The following PCDH15 variants were observed in gnomAD, a reference collection of about 807,000 sequenced individuals.
The protein encoded by PCDH15 is protocadherin-15.
In PCDH15, 129 loss-of-function variants were observed where a neutral mutation model predicts 178.5. That is an observed-to-expected ratio of 0.72 (90% CI 0.63 to 0.84). The LOEUF (loss-of-function observed/expected upper bound fraction) is 0.84, where lower values mean the gene tolerates loss of function less well. Ranked by LOEUF, PCDH15 falls within the 40% of genes least tolerant of loss-of-function variation. The pLI is 0.00. For synonymous variants in PCDH15, 800 were observed against 732.0 expected, an observed-to-expected ratio of 1.09 and a Z score of -1.50; for missense variants, 2,230 against 2,099.9, an observed-to-expected ratio of 1.06 and a Z score of -1.21.
At chr10:54,863,280 C>T (rs1452654764) in intron 3 of PCDH15, among the ~76,000 whole-genome samples, 2 of 152,140 alleles carry the variant, frequency 1.3e-5, no homozygotes, top group Admixed American at 6.5e-5. Flanking sequence ...CGGTGGCTCA[C>T]GCCTGTAATC....
intron 28 of PCDH15, among the ~76,000 whole-genome samples, chr10:53,843,701 G>A (rs1435224842): frequency 6.6e-6 from 1 of 151,874 alleles, no homozygotes; most frequent in Non-Finnish European, 1.5e-5. Flanking sequence ...GATAAAAAAA[G>A]TCTTCATATA....
chr10:55,016,921 A>T (rs1486515755), intron 2 of PCDH15, among the ~76,000 whole-genome samples: 1 of 151,794 alleles, frequency 6.6e-6, no homozygotes, highest in Non-Finnish European at 1.5e-5. Context: ...AATAAGATAC[A>T]CCCCTGGGCC....
At chr10:53,922,164 A>T (rs575077412) in intron 25 of PCDH15, among the ~76,000 whole-genome samples, 75 of 152,298 alleles carry the variant, frequency 4.9e-4, no homozygotes, top group African/African-American at 1.6e-3. Context: ...GTCACAACCT[A>T]CAATCCCTGG....
intron 13 of PCDH15, among the ~76,000 whole-genome samples, chr10:54,174,732 G>T (rs1163461117): frequency 9.7e-6 from 1 of 103,108 alleles, no homozygotes; most frequent in African/African-American, 3.7e-5. Context: ...TTGAGACAGA[G>T]TCTCGTTCCG....
At chr10:54,134,399 G>C (rs965387104) in intron 14 of PCDH15, among the ~76,000 whole-genome samples, 1 of 151,842 alleles carries the variant, frequency 6.6e-6, no homozygotes, top group Non-Finnish European at 1.5e-5. Flanking sequence ...TAAAAGACAT[G>C]GTCACCAAAA....
intron 2 of PCDH15, among the ~76,000 whole-genome samples, chr10:55,385,757 GTA>G (rs1415756197): frequency 7.3e-6 from 1 of 137,924 alleles, no homozygotes; most frequent in Non-Finnish European, 1.5e-5. Context: ...GCATATATAT[GTA>G]TAGATATATA....
intron 1 of PCDH15, among the ~76,000 whole-genome samples, chr10:55,197,734 A>G (rs1840132587): frequency 6.6e-6 from 1 of 152,110 alleles, no homozygotes; most frequent in African/African-American, 2.4e-5. Flanking sequence ...CCTGGTAAGT[A>G]CATTATCTTC....
At chr10:54,988,458 A>C (rs145674222) in intron 2 of PCDH15, among the ~76,000 whole-genome samples, 5 of 152,212 alleles carry the variant, frequency 3.3e-5, no homozygotes, top group African/African-American at 9.6e-5. Context: ...GACTCATTAA[A>C]TGGCTTTGGC....
chr10:53,857,076 C>G, intron 28 of PCDH15, 99 bp downstream of exon 28: 1 of 872,552 alleles, frequency 1.1e-6, no homozygotes, highest in Non-Finnish European at 1.8e-6. Context: ...TGTAACACAC[C>G]TGCACATGTA....
intron 15 of PCDH15, among the ~76,000 whole-genome samples, chr10:54,109,980 T>A (rs778049371): frequency 2.0e-5 from 3 of 152,020 alleles, no homozygotes; most frequent in Non-Finnish European, 4.4e-5. Flanking sequence ...CCCACAAAAA[T>A]TAAAAATGAA....
At chr10:55,361,908 G>A (rs946803151) in intron 2 of PCDH15, among the ~76,000 whole-genome samples, 2 of 151,992 alleles carry the variant, frequency 1.3e-5, no homozygotes, top group Non-Finnish European at 1.5e-5. Context: ...GAAGTGAAGG[G>A]GGGCTAAATA....
At chr10:55,058,144 A>G (rs891731412) in intron 2 of PCDH15, among the ~76,000 whole-genome samples, 1 of 152,162 alleles carries the variant, frequency 6.6e-6, no homozygotes, top group African/African-American at 2.4e-5. Flanking sequence ...AAATGCATCC[A>G]TGTGTAATTT....
chr10:53,871,943 C>T (rs2079896669), intron 26 of PCDH15, among the ~76,000 whole-genome samples: 3 of 151,930 alleles, frequency 2.0e-5, no homozygotes, highest in South Asian at 2.1e-4. Flanking sequence ...GTCACAAGTT[C>T]GAGACCAGCC....
chr10:53,901,367 T>C (rs2082322459), intron 26 of PCDH15, among the ~76,000 whole-genome samples: 4 of 152,132 alleles, frequency 2.6e-5, no homozygotes, highest in Admixed American at 2.6e-4. Flanking sequence ...AAGTCATTCT[T>C]GATTTTTCCT....
chr10:55,013,283 C>T (rs1294200050), intron 2 of PCDH15, among the ~76,000 whole-genome samples: 1 of 152,148 alleles, frequency 6.6e-6, no homozygotes, highest in Non-Finnish European at 1.5e-5. Context: ...TCCAACAGTT[C>T]TGTGCACAGT....
intron 25 of PCDH15, among the ~76,000 whole-genome samples, chr10:53,927,053 T>C (rs575452748): frequency 2.3e-4 from 35 of 152,284 alleles, no homozygotes; most frequent in Non-Finnish European, 4.1e-4. Context: ...TCATATTAGA[T>C]GTGCCTCAAA....
chr10:54,500,851 A>G (rs928195815), intron 3 of PCDH15, among the ~76,000 whole-genome samples: 3 of 152,102 alleles, frequency 2.0e-5, no homozygotes, highest in African/African-American at 7.2e-5. Context: ...ATGCCCATCA[A>G]TGATAGACTG....
intron 3 of PCDH15, among the ~76,000 whole-genome samples, chr10:54,844,198 G>A (rs1287932886): frequency 6.6e-6 from 1 of 151,966 alleles, no homozygotes; most frequent in African/African-American, 2.4e-5. Flanking sequence ...AGATGCCTTG[G>A]AAAGCTACAG....
intron 2 of PCDH15, among the ~76,000 whole-genome samples, chr10:55,135,631 G>A (rs1157620097): frequency 7.6e-6 from 1 of 131,342 alleles, no homozygotes; most frequent in East Asian, 2.2e-4. Context: ...TGCTCAGGCT[G>A]GAGTGCAGTG....
Sources: gnomAD v4.1 joint callset for allele counts (sites outside exome capture counted in the v4.1 genomes callset) on GRCh38, gnomAD v4.1.1 for gene constraint, MANE v1.5 for transcripts, NCBI Gene and HGNC (gene_info 2026-07-23, HGNC 2026-07-21) for gene names.